The following MYBPC1 variants were observed in gnomAD, a reference collection of about 807,000 sequenced individuals.
The protein encoded by MYBPC1 is myosin binding protein C1.
A neutral mutation model predicts 147.1 loss-of-function variants in MYBPC1; 52 were observed. The observed-to-expected ratio is 0.35, with a 90% CI of 0.28 to 0.45. The LOEUF is 0.45. Ranked by LOEUF, MYBPC1 falls within the 20% of genes least tolerant of loss-of-function variation. The pLI is 1.00. For synonymous variants in MYBPC1, 477 were observed against 475.9 expected (o/e 1.00, Z -0.03); for missense variants, 1,228 against 1,440.3 (o/e 0.85, Z 2.39).
intron 1 of MYBPC1, among the ~76,000 whole-genome samples, chr12:101,601,428 G>A (rs1169059370): frequency 1.3e-5 from 2 of 152,140 alleles, no homozygotes; most frequent in South Asian, 2.1e-4. Flanking sequence ...GGGCTTTAAC[G>A]TACATTTTCA....
intron 27 of MYBPC1, 96 bp downstream of exon 27, chr12:101,677,490 A>T: frequency 7.0e-7 from 1 of 1,420,040 alleles, no homozygotes; most frequent in Non-Finnish European, 9.8e-7. Flanking sequence ...GAACAAAAAA[A>T]TGGTAAATGT....
chr12:101,684,865 G>A (rs1316222866), intron 31 of MYBPC1, among the ~76,000 whole-genome samples: 4 of 152,248 alleles, frequency 2.6e-5, no homozygotes, highest in African/African-American at 7.2e-5. Flanking sequence ...TTGTCTGGAC[G>A]TGAATTTATT....
chr12:101,653,563 A>G (rs937340708), intron 18 of MYBPC1, among the ~76,000 whole-genome samples: 1 of 152,240 alleles, frequency 6.6e-6, no homozygotes, highest in South Asian at 2.1e-4. Context: ...AAATAAATGA[A>G]CAAAGTCACT....
intron 28 of MYBPC1, among the ~76,000 whole-genome samples, chr12:101,679,217 A>G (rs1398648524): frequency 1.3e-5 from 2 of 152,058 alleles, no homozygotes; most frequent in Non-Finnish European, 2.9e-5. Context: ...TGCTGAACTA[A>G]TGTTTACTTG....
intron 1 of MYBPC1, among the ~76,000 whole-genome samples, chr12:101,607,520 A>C (rs1251406530): frequency 6.6e-6 from 1 of 151,848 alleles, no homozygotes; most frequent in Admixed American, 6.6e-5. Flanking sequence ...TTTCTAAAGA[A>C]TATTTTTATT....
intron 3 of MYBPC1, among the ~76,000 whole-genome samples, chr12:101,618,889 G>GTA (rs1379768715): frequency 9.6e-5 from 14 of 146,530 alleles, no homozygotes; most frequent in African/African-American, 3.4e-4. Flanking sequence ...GTGTGTGTGT[G>GTA]TGTGTCTGTA....
chr12:101,628,288 A>G (rs1593764259), intron 5 of MYBPC1: 1 of 171,708 alleles, frequency 5.8e-6, no homozygotes, highest in Admixed American at 5.6e-5. Context: ...TAGGCACTGC[A>G]GGTATAGAAG....
At chr12:101,689,131 G>A (rs1158252651), downstream of MYBPC1, among the ~76,000 whole-genome samples, 1 of 152,150 alleles carries the variant, frequency 6.6e-6, no homozygotes, top group Non-Finnish European at 1.5e-5. Flanking sequence ...TATTGTCAAT[G>A]TGTGTATCAT....
chr12:101,631,886 G>T lies in MYBPC1; in HGVS notation c.439-135G>T, dbSNP rs1006623537. The T allele has an allele frequency of 4.6e-6, 6 of 1,290,600 alleles. 1 individual carries two copies. The highest frequency in any genetic ancestry group is 4.4e-5 in the African/African-American group (3 of 68,272). 79.9% of individuals were successfully genotyped at this position (1,290,600 alleles called of 1,614,324 possible). On this transcript the variant is annotated intron_variant, in intron 7 of 31. Coordinates refer to ENST00000361466, the MANE Select transcript of MYBPC1 (RefSeq NM_002465.4). ...TGCGATTGCCCGGCTGTGTCCGGGG[G>T]CTACAGGACACATTTGCCCTCCTAT...
At chr12:101,659,277 T>C (rs1306164797) in intron 18 of MYBPC1, among the ~76,000 whole-genome samples, 1 of 152,236 alleles carries the variant, frequency 6.6e-6, no homozygotes, top group Non-Finnish European at 1.5e-5. Flanking sequence ...TCTAATTTCA[T>C]ACACAGGGAT....
At chr12:101,624,739 C>T (rs375480039) in intron 3 of MYBPC1, among the ~76,000 whole-genome samples, 32 of 139,716 alleles carry the variant, frequency 2.3e-4, no homozygotes, top group African/African-American at 7.3e-4. Flanking sequence ...GTTGCCCAGG[C>T]AAATTCACAA....
At chr12:101,671,284 G>A (rs1416994138) in intron 24 of MYBPC1, among the ~76,000 whole-genome samples, 1 of 149,490 alleles carries the variant, frequency 6.7e-6, no homozygotes, top group African/African-American at 2.5e-5. Context: ...TAGAATGTAG[G>A]TCTCTACACA....
intron 1 of MYBPC1, among the ~76,000 whole-genome samples, chr12:101,613,633 T>G (rs1885026427): frequency 6.6e-6 from 1 of 152,202 alleles, no homozygotes; most frequent in Admixed American, 6.5e-5. Context: ...GTGGATGCCT[T>G]TACCTACTTG....
Position 101,602,603 on chromosome 12 carries a change from G to A in MYBPC1, c.25+7508G>A, listed in dbSNP as rs556163208. Among the ~76,000 whole-genome samples, 11 of 152,234 alleles carry A rather than the reference G, an allele frequency of 7.2e-5. 1 individual carries two copies. In the East Asian group the frequency reaches 2.1e-3, roughly 29 times the overall value. On this transcript the variant is annotated intron_variant, in intron 1 of 31. Coordinates refer to ENST00000361466, the MANE Select transcript of MYBPC1 (RefSeq NM_002465.4). The stretch of plus-strand genomic sequence containing the variant: ...GCAGTAAACTCAGAAATCTTGTCTG[G>A]CACAAGGTATTAAATGCCTCATATT...
At chr12:101,610,019 A>G (rs923371962) in intron 1 of MYBPC1, among the ~76,000 whole-genome samples, 9 of 152,326 alleles carry the variant, frequency 5.9e-5, no homozygotes, top group Middle Eastern at 3.4e-3. Context: ...CCTGTCAGAG[A>G]CAAACATATG....
intron 20 of MYBPC1, 121 bp from the exon 21 acceptor site, chr12:101,662,237 T>C: frequency 1.3e-6 from 1 of 788,544 alleles, no homozygotes; most frequent in Non-Finnish European, 2.1e-6. Flanking sequence ...TTTACATACA[T>C]ATATGACTAT....
At chr12:101,619,189 A>G (rs932758022) in intron 3 of MYBPC1, among the ~76,000 whole-genome samples, 1 of 151,096 alleles carries the variant, frequency 6.6e-6, no homozygotes, top group East Asian at 1.9e-4. Flanking sequence ...ATGAGCTAGA[A>G]CTCTCCTGCT....
intron 1 of MYBPC1, among the ~76,000 whole-genome samples, chr12:101,611,557 C>T (rs1277624123): frequency 1.3e-5 from 2 of 152,148 alleles, no homozygotes; most frequent in African/African-American, 4.8e-5. Context: ...AGAAGCCCTC[C>T]TTAATTCTTT....
At position 101,662,433 on chromosome 12, in the gene MYBPC1, C is replaced by A. The variant is rs1006150818; in HGVS notation, c.2108C>A (p.Thr703Asn). ...AATTTTGATCTCTGCAAAGAAACAA[C>A]TTTTGAGCCCAAGAAGATGATTGAA... is the stretch of plus-strand genomic sequence containing the variant. ...RLNFDLCKET[T>N]FEPKKMIEGV... Residue 703 changes from threonine to asparagine, a missense_variant, in exon 21 of 32, where the codon ACT becomes AAT. Around this residue, in one of 2 missense-constraint regions of MYBPC1, gnomAD observed 1,077 missense variants for 1,314.2 expected, o/e 0.82. Transcript: ENST00000361466. 3 of 1,614,226 alleles carry A rather than the reference C, an allele frequency of 1.9e-6. No individual in the cohort carries two copies. The highest frequency in any genetic ancestry group is 3.3e-5 in the Admixed American group (2 of 60,028).
Sources: gnomAD v4.1 joint callset for allele counts (sites outside exome capture counted in the v4.1 genomes callset) on GRCh38, gnomAD v4.1.1 for gene constraint, gnomAD v4.1.1 regional missense constraint, MANE v1.5 for transcripts, NCBI Gene and HGNC (gene_info 2026-07-23, HGNC 2026-07-21) for gene names.